The following IDO2 variants were observed in gnomAD, a reference collection of about 807,000 sequenced individuals.
IDO2 encodes the protein indoleamine 2,3-dioxygenase 2.
Under a neutral mutation model 45.1 loss-of-function variants are expected in IDO2, and 46 were observed. That is an observed-to-expected ratio of 1.02 (90% confidence interval 0.80 to 1.30). The LOEUF is 1.30. IDO2 is among the 50% of genes most tolerant of loss of function. The pLI is 0.00. For synonymous variants in IDO2, 218 were observed against 184.9 expected, an observed-to-expected ratio of 1.18 and a Z score of -1.45; for missense variants, 544 against 491.8, an observed-to-expected ratio of 1.11 and a Z score of -1.00.
intron 3 of IDO2, among the ~76,000 whole-genome samples, chr8:39,970,049 A>T (rs770036493): frequency 2.6e-5 from 4 of 152,242 alleles, no homozygotes; most frequent in Non-Finnish European, 5.9e-5. Flanking sequence ...CATACGAATG[A>T]TAAGAAAGCA....
chr8:39,998,422 A>G (rs1460030280), intron 8 of IDO2: 2 of 152,130 alleles, frequency 1.3e-5, no homozygotes, highest in African/African-American at 4.8e-5. Context: ...ATATAACATA[A>G]TGACTCCTCC....
chr8:39,995,212 T>TCTCCTC, intron 8 of IDO2: 1 of 67,574 alleles, frequency 1.5e-5, no homozygotes, highest in Non-Finnish European at 2.8e-5. Context: ...TCCTTCTCCT[T>TCTCCTC]CTCCTTCTCC....
At chr8:39,974,917 G>C (rs1808235910) in intron 3 of IDO2, among the ~76,000 whole-genome samples, 1 of 151,476 alleles carries the variant, frequency 6.6e-6, no homozygotes, top group Middle Eastern at 3.5e-3. Flanking sequence ...GACAGAGCGA[G>C]ACTCCGTCTA....
intron 3 of IDO2, among the ~76,000 whole-genome samples, chr8:39,972,384 G>A (rs989539351): frequency 2.0e-5 from 3 of 152,008 alleles, no homozygotes; most frequent in Non-Finnish European, 2.9e-5. Context: ...CGAGGCAGGC[G>A]GATCACTTGA....
chr8:39,982,804 A>G (rs756655439), intron 5 of IDO2, 34 bp downstream of exon 5: 6 of 1,344,970 alleles, frequency 4.5e-6, no homozygotes, highest in Middle Eastern at 1.8e-4. Flanking sequence ...GAATTTCCAT[A>G]ACTTTCCCCC....
chr8:39,980,643 C>G (rs1021653996), intron 4 of IDO2, among the ~76,000 whole-genome samples: 1 of 152,152 alleles, frequency 6.6e-6, no homozygotes, highest in Admixed American at 6.5e-5. Context: ...TCGTGTTTGC[C>G]TGATTGATCC....
chr8:40,001,839 T>C (rs930128792), intron 8 of IDO2, among the ~76,000 whole-genome samples: 2 of 152,082 alleles, frequency 1.3e-5, no homozygotes, highest in Non-Finnish European at 2.9e-5. Context: ...CAGGCTGGAG[T>C]GCAGTGGGTT....
chr8:39,964,537 C>G (rs1400675505), intron 3 of IDO2, among the ~76,000 whole-genome samples: 2 of 152,190 alleles, frequency 1.3e-5, no homozygotes, highest in Non-Finnish European at 2.9e-5. Context: ...GTTTTCCGCT[C>G]TCCAAAATTT....
intron 4 of IDO2, among the ~76,000 whole-genome samples, chr8:39,980,390 A>ATT (rs544083729): frequency 6.7e-6 from 1 of 149,358 alleles, no homozygotes; most frequent in Non-Finnish European, 1.5e-5. Flanking sequence ...ACTCATCTTT[A>ATT]TTTTTTTTTT....
At chr8:39,987,467 C>T (rs1033818546) in intron 6 of IDO2, 2 of 162,946 alleles carry the variant, frequency 1.2e-5, no homozygotes, top group African/African-American at 4.8e-5. Context: ...CTTGGACAAG[C>T]TGCTTTGCTT....
At chr8:39,993,917 G>T (rs1801987451) in intron 8 of IDO2, among the ~76,000 whole-genome samples, 1 of 152,088 alleles carries the variant, frequency 6.6e-6, no homozygotes, top group African/African-American at 2.4e-5. Context: ...TGAGGCAGGA[G>T]AATCACTTGA....
chr8:39,975,092 G>A (rs773475843), intron 3 of IDO2, among the ~76,000 whole-genome samples: 93 of 151,998 alleles, frequency 6.1e-4, no homozygotes, highest in Non-Finnish European at 4.7e-4. Flanking sequence ...ACTCCAGCCT[G>A]GGAAACAGAG....
chr8:39,952,090 G>A (rs959400528), intron 2 of IDO2, among the ~76,000 whole-genome samples: 1 of 152,150 alleles, frequency 6.6e-6, no homozygotes, highest in Non-Finnish European at 1.5e-5. Flanking sequence ...TTTCATTGGT[G>A]TGACCATTTT....
chr8:39,985,152 A>G, intron 5 of IDO2: 1 of 324,348 alleles, frequency 3.1e-6, no homozygotes, highest in Non-Finnish European at 5.8e-6. Flanking sequence ...TCTGGTATCG[A>G]ATCCTCGACC....
chr8:39,999,952 T>C (rs1023144736), intron 8 of IDO2, among the ~76,000 whole-genome samples: 3 of 152,214 alleles, frequency 2.0e-5, no homozygotes, highest in African/African-American at 7.2e-5. Context: ...GAGGAAAGCA[T>C]ACTTCTCATT....
chr8:40,005,454 G>T, intron 9 of IDO2, 76 bp downstream of exon 9: 1 of 949,592 alleles, frequency 1.1e-6, no homozygotes, highest in South Asian at 2.4e-5. Flanking sequence ...CGAAGAGACA[G>T]AAGCTTCCTA....
At chr8:39,956,144 C>G (rs907922494) in intron 2 of IDO2, among the ~76,000 whole-genome samples, 2 of 151,470 alleles carry the variant, frequency 1.3e-5, no homozygotes, top group Non-Finnish European at 1.5e-5. Flanking sequence ...ACTGCAATCT[C>G]CACCTCCTGG....
chr8:39,968,153 G>T (rs991613069), intron 3 of IDO2, among the ~76,000 whole-genome samples: 6 of 151,772 alleles, frequency 4.0e-5, no homozygotes, highest in African/African-American at 1.5e-4. Context: ...TATAATAATT[G>T]TAAATTGTGG....
At chr8:39,951,787 C>T (rs926628967) in intron 2 of IDO2, among the ~76,000 whole-genome samples, 6 of 152,338 alleles carry the variant, frequency 3.9e-5, no homozygotes, top group Non-Finnish European at 8.8e-5. Context: ...TAAATGCGTA[C>T]ACTGAGCTGA....
Sources: allele counts gnomAD v4.1 joint callset (sites outside exome capture counted in the v4.1 genomes callset), GRCh38; gene constraint gnomAD v4.1.1; transcripts MANE v1.5; gene names NCBI Gene and HGNC (gene_info 2026-07-23, HGNC 2026-07-21).